The following NID2 variants were observed in gnomAD, a reference collection of about 807,000 sequenced individuals.
NID2 encodes the protein nidogen 2.
NID2 carries 83 observed loss-of-function variants against 145.4 expected under a neutral mutation model. That is an observed-to-expected ratio of 0.57 (90% confidence interval 0.48 to 0.69). The LOEUF is 0.69. NID2 is among the 30% of genes least tolerant of loss of function. NID2 has a pLI of 0.00. For missense variants in NID2, 1,807 were observed against 1,765.7 expected (o/e 1.02, Z -0.42); for synonymous variants, 739 against 701.3 (o/e 1.05, Z -0.85).
Position 52,044,210 on chromosome 14 carries a change from TAAC to T in NID2, c.1430-1282_1430-1280del, listed in dbSNP as rs541675825. ...AGACCTCCATCAGCAAATAAAAATA[TAAC>T]AAAGTTAACACTTCAATCGCGCTTA... On this transcript the variant is annotated intron_variant, in intron 5 of 21. Coordinates refer to ENST00000216286, the MANE Select transcript of NID2 (RefSeq NM_007361.4). Among the ~76,000 whole-genome samples the T allele has an allele frequency of 3.4e-3, 507 of 150,612 alleles. 2 individuals are homozygous for T. Among genetic ancestry groups the T allele is most frequent in the African/African-American group, 0.012 (484 of 41,106 alleles).
chr14:52,026,510 T>A (rs11846847), intron 12 of NID2, among the ~76,000 whole-genome samples: 27,452 of 152,224 alleles, frequency 0.18, 3,235 homozygotes, highest in East Asian at 0.53. Flanking sequence ...CCACAGGGTA[T>A]GTTTGGAAAA....
chr14:52,040,904 G>C, intron 7 of NID2, 53 bp from the exon 8 acceptor site: 1 of 1,544,274 alleles, frequency 6.5e-7, no homozygotes, highest in Admixed American at 1.7e-5. Flanking sequence ...TGCTTAAACA[G>C]TTACCAGTAT....
chr14:52,031,742 C>G (rs1891878378), intron 9 of NID2, among the ~76,000 whole-genome samples: 1 of 152,178 alleles, frequency 6.6e-6, no homozygotes, highest in Admixed American at 6.5e-5. Flanking sequence ...TCTTTCTGAC[C>G]CGTGTCTCCC....
At chr14:52,030,644 A>AAG (rs1566755979) in intron 9 of NID2, among the ~76,000 whole-genome samples, 1 of 142,536 alleles carries the variant, frequency 7.0e-6, no homozygotes, top group Non-Finnish European at 1.6e-5. Context: ...AAGAGAAAGA[A>AAG]AAAGAGAAAG....
chr14:52,005,500 T>C lies in NID2; in HGVS notation c.4118-4A>G, dbSNP rs1355484210. 6.3e-7 allele frequency: 1 copy of C among 1,598,730 alleles called. No individual in the cohort carries two copies. Among genetic ancestry groups the C allele is most frequent in the Non-Finnish European group, 8.5e-7 (1 of 1,174,294 alleles). Reference sequence around the variant, plus strand: ...CATTACTGTACTTACTTTCTTCCTGTGAGAGAAGAGCAGGGGTGGGACAGG... The same window carrying C: ...CATTACTGTACTTACTTTCTTCCTGCGAGAGAAGAGCAGGGGTGGGACAGG... On this transcript the variant is annotated splice_region_variant and splice_polypyrimidine_tract_variant and intron_variant, in intron 21 of 21. Coordinates refer to ENST00000216286, the MANE Select transcript of NID2 (RefSeq NM_007361.4).
At chr14:52,049,189 ATG>A (rs1031580439) in intron 5 of NID2, among the ~76,000 whole-genome samples, 2 of 102,004 alleles carry the variant, frequency 2.0e-5, no homozygotes, top group African/African-American at 3.7e-5. Context: ...TTTCTATTTA[ATG>A]TTTTTTTTGT....
chr14:52,066,572 T>C (rs571182473), intron 2 of NID2, among the ~76,000 whole-genome samples: 1 of 152,192 alleles, frequency 6.6e-6, no homozygotes, highest in East Asian at 1.9e-4. Flanking sequence ...CCCATAAATA[T>C]ATACACCTAC....
chr14:52,065,313 A>C (rs1050014166), intron 2 of NID2, among the ~76,000 whole-genome samples: 1 of 152,188 alleles, frequency 6.6e-6, no homozygotes, highest in Non-Finnish European at 1.5e-5. Context: ...TCCTTCAAGC[A>C]AATTAGATTA....
intron 5 of NID2, among the ~76,000 whole-genome samples, chr14:52,049,191 G>GT (rs201049534): frequency 6.4e-4 from 80 of 124,298 alleles, no homozygotes; most frequent in East Asian, 1.2e-3. Context: ...TCTATTTAAT[G>GT]TTTTTTTTGT....
intron 14 of NID2, 101 bp from the exon 15 acceptor site, chr14:52,015,376 T>G (rs983450071): frequency 1.5e-4 from 164 of 1,117,162 alleles, no homozygotes; most frequent in South Asian, 2.0e-4. Context: ...CTCCTGGCCT[T>G]CCTTCTCCTA....
chr14:52,063,873 C>A (rs1893101302), intron 2 of NID2, among the ~76,000 whole-genome samples: 1 of 152,166 alleles, frequency 6.6e-6, no homozygotes, highest in South Asian at 2.1e-4. Flanking sequence ...ACAGATCCTG[C>A]CAAAAATTCA....
At position 52,009,072 on chromosome 14, in the gene NID2, TC is replaced by T. The variant is rs1890908017; in HGVS notation, c.3723-1106del. 5.3e-5 allele frequency: 8 copies of T among 152,314 alleles called. 1 individual carries two copies. The South Asian group carries it at 1.7e-3, about 32-fold the overall frequency. The allele number at this position is 152,314 out of a possible 1,614,324, so 9.4% of individuals were successfully genotyped here. A position where few individuals can be genotyped will look rare whatever the true frequency, so the allele number is the denominator to read the frequency against. Reference sequence around the variant, plus strand: ...AAAAGCTATAGAAGCTTTGAATAAATCAGTTGGGCTACAGAGAACCTCAGTG... The same window carrying T: ...AAAAGCTATAGAAGCTTTGAATAAATAGTTGGGCTACAGAGAACCTCAGTG... On this transcript the variant is annotated intron_variant, in intron 18 of 21. Coordinates refer to ENST00000216286, the MANE Select transcript of NID2 (RefSeq NM_007361.4).
At chr14:52,011,507 CTTTGTAGAATCAAA>C in intron 17 of NID2, 33 bp downstream of exon 17, 1 of 1,611,822 alleles carries the variant, frequency 6.2e-7, no homozygotes, top group South Asian at 1.1e-5. Context: ...AGACAAGTGA[CTTTGTAGAATCAAA>C]TGAAATGCAG....
intron 5 of NID2, among the ~76,000 whole-genome samples, chr14:52,051,912 G>C (rs1469491664): frequency 6.6e-6 from 1 of 152,118 alleles, no homozygotes; most frequent in Admixed American, 6.5e-5. Context: ...CTCTATGGCT[G>C]GTTCCTGAAG....
intron 2 of NID2, among the ~76,000 whole-genome samples, chr14:52,066,314 C>T (rs1304489474): frequency 7.0e-6 from 1 of 143,644 alleles, no homozygotes; most frequent in Non-Finnish European, 1.5e-5. Flanking sequence ...ACACAGTTAA[C>T]GGGTACCAAA....
In NID2 at chr14:52,068,965, C is replaced by T. The variant is rs765678048; in HGVS notation, c.30G>A (p.Pro10=). MEGDRVAGR[P]VLSSLPVLLL... is the part of the protein sequence containing the mutation. ...GTAGCACTGGTAACGACGACAGCAC[C>T]GGCCGCCCGGCCACCCGGTCCCCCT... is the stretch of plus-strand genomic sequence containing the variant. Residue 10 remains proline, a synonymous_variant, in exon 1 of 22, where the codon CCG becomes CCA. Transcript: ENST00000216286. 1.7e-5 allele frequency: 28 copies of T among 1,611,948 alleles called. No homozygotes were observed. The highest frequency in any genetic ancestry group is 2.4e-5 in the Non-Finnish European group (28 of 1,179,096).
intron 16 of NID2, 139 bp downstream of exon 16, chr14:52,014,148 G>T: frequency 9.6e-7 from 1 of 1,046,048 alleles, no homozygotes; most frequent in Non-Finnish European, 1.5e-6. Context: ...GTGGCATCGG[G>T]CCCATGCCGA....
rs375571953 is a variant in NID2, at chr14:52,029,912, T to C, written c.2258-222A>G. On this transcript the variant is annotated intron_variant, in intron 9 of 21. Transcript: ENST00000216286. Reference sequence around the variant, plus strand: ...CTACCCTATAGACAACTAGTACCTTTACTTGCTTTCAGTAGGTTTGCATCC... The same window carrying C: ...CTACCCTATAGACAACTAGTACCTTCACTTGCTTTCAGTAGGTTTGCATCC... Among the ~76,000 whole-genome samples, 164 of 152,366 alleles carry C rather than the reference T, an allele frequency of 1.1e-3. No individual in the cohort carries two copies. The Middle Eastern group carries it at 0.014, about 13-fold the overall frequency.
chr14:52,005,801 C>A lies in NID2; in HGVS notation c.4053G>T (p.Glu1351Asp). Residue 1351 changes from glutamate to aspartate, a missense_variant, in exon 21 of 22, where the codon GAG becomes GAT. Coordinates refer to ENST00000216286, the MANE Select transcript of NID2 (RefSeq NM_007361.4). ...VNKHSGQFTD[E>D]YLPEQRSHLY... ...GGTGAGATCGTTGTTCTGGGAGATA[C>A]TCATCAGTAAACTGGCCACTATGTT... 1 of 1,613,928 alleles carries A rather than the reference C, an allele frequency of 6.2e-7. No homozygotes were observed. The highest frequency in any genetic ancestry group is 8.5e-7 in the Non-Finnish European group (1 of 1,179,804).
Sources: gnomAD v4.1 joint callset for allele counts (sites outside exome capture counted in the v4.1 genomes callset) on GRCh38, gnomAD v4.1.1 for gene constraint, MANE v1.5 for transcripts, NCBI Gene and HGNC (gene_info 2026-07-23, HGNC 2026-07-21) for gene names.